The following WDR25 variants were observed in gnomAD, a reference collection of about 807,000 sequenced individuals.
The protein encoded by WDR25 is WD repeat domain 25, also known as WD repeat-containing protein 25.
WDR25 carries 35 observed loss-of-function variants against 47.7 expected under a neutral mutation model. The observed-to-expected ratio is 0.73, with a 90% CI of 0.56 to 0.97. WDR25 has a LOEUF of 0.97. WDR25 is among the 50% of genes least tolerant of loss of function. The pLI is 0.00. For synonymous variants in WDR25, 248 were observed against 278.9 expected (o/e 0.89, Z 1.10); for missense variants, 634 against 704.7 (o/e 0.90, Z 1.14).
At chr14:100,477,915 C>T (rs936907020) in intron 3 of WDR25, among the ~76,000 whole-genome samples, 1 of 152,008 alleles carries the variant, frequency 6.6e-6, no homozygotes, top group African/African-American at 2.4e-5. Context: ...CACGGTGAAA[C>T]CCCATCTCTA....
At chr14:100,459,929 TATATATATATACACATACAC>T (rs1899340288) in intron 2 of WDR25, among the ~76,000 whole-genome samples, 3 of 78,134 alleles carry the variant, frequency 3.8e-5, no homozygotes, top group African/African-American at 5.8e-5. Flanking sequence ...TATATATATA[TATATATATATACACATACAC>T]ATACACACAC....
chr14:100,398,610 T>TAAG (rs1897310719), intron 2 of WDR25, among the ~76,000 whole-genome samples: 1 of 151,516 alleles, frequency 6.6e-6, no homozygotes, highest in East Asian at 1.9e-4. Flanking sequence ...TTTATCAAAC[T>TAAG]AAGAAATTAA....
At chr14:100,398,348 A>C (rs542551539) in intron 2 of WDR25, among the ~76,000 whole-genome samples, 2 of 152,254 alleles carry the variant, frequency 1.3e-5, no homozygotes, top group East Asian at 3.9e-4. Context: ...CTTCCTTGTA[A>C]TGTTTCAGCC....
At chr14:100,429,878 G>T (rs58285147) in intron 2 of WDR25, among the ~76,000 whole-genome samples, 13,192 of 152,056 alleles carry the variant, frequency 0.087, 1,488 homozygotes, top group African/African-American at 0.27. Flanking sequence ...TGTAAAGATA[G>T]TAATCCTGTT....
rs777028432 is a variant in WDR25 at position 100,529,777 on chromosome 14, T to G, written c.1414-43T>G. ...GTAGAATGGGCATACTCACCCCGGC[T>G]TGACAGGTGCGGCTTGCTCACCCAC... is the stretch of plus-strand genomic sequence containing the variant. On this transcript the variant is annotated intron_variant, in intron 6 of 6. Coordinates refer to ENST00000402312, the MANE Select transcript of WDR25 (RefSeq NM_001161476.3). This position sits in a 1 kb window ranked among gnomAD's most constrained non-coding sequence, Gnocchi z 5.1. 1 of 1,591,984 alleles carries G rather than the reference T, an allele frequency of 6.3e-7. No individual in the cohort carries two copies. Among genetic ancestry groups the G allele is most frequent in the South Asian group, 1.1e-5 (1 of 88,650 alleles).
intron 2 of WDR25, among the ~76,000 whole-genome samples, chr14:100,452,066 CATCT>C (rs917358441): frequency 1.3e-5 from 2 of 152,168 alleles, no homozygotes; most frequent in African/African-American, 4.8e-5. Context: ...TTCATTTATC[CATCT>C]ATTTCATTCC....
At chr14:100,443,972 C>G (rs1898748474) in intron 2 of WDR25, among the ~76,000 whole-genome samples, 3 of 152,174 alleles carry the variant, frequency 2.0e-5, no homozygotes, top group Admixed American at 2.0e-4. Context: ...TCTTGAGGCT[C>G]AGAGAGGTGA....
At position 100,378,686 on chromosome 14, in the gene WDR25, C is replaced by CA. The variant is rs1484737986; in HGVS notation, c.-16+2191_-16+2192insA. Among the ~76,000 whole-genome samples, 37 of 25,452 alleles carry CA rather than the reference C, an allele frequency of 1.5e-3. 1 individual carries two copies. Among genetic ancestry groups the CA allele is most frequent in the Middle Eastern group, 0.036 (1 of 28 alleles). 16.7% of individuals were successfully genotyped at this position (25,452 alleles called of 152,430 possible). A position where few individuals can be genotyped will look rare whatever the true frequency, so the allele number is the denominator to read the frequency against. The stretch of plus-strand genomic sequence containing the variant: ...AAGAATGTTCCAGGCAGGCCGGGCG[C>CA]GGTGGCTCACGCCTGTAATCCCAGC... On this transcript the variant is annotated intron_variant, in intron 1 of 6. Transcript: ENST00000402312.
chr14:100,517,044 C>T (rs1054110762), intron 4 of WDR25, among the ~76,000 whole-genome samples: 1 of 147,446 alleles, frequency 6.8e-6, no homozygotes, highest in Non-Finnish European at 1.5e-5. Context: ...AGTCCTCCCA[C>T]TTCAGCTTCC....
rs1331089969 is a variant in WDR25, at chr14:100,499,797, G to T, written c.1101+15673G>T. On this transcript the variant is annotated intron_variant, in intron 4 of 6. Transcript: ENST00000402312. The surrounding 1 kb of genome is among the most constrained non-coding windows in gnomAD (Gnocchi z 4.4). ...GAATGGGTCCCAGGGGGTGAAGTTC[G>T]CTGTGTTCTGCTTTGCTCCCAGTCC... is the stretch of plus-strand genomic sequence containing the variant. Among the ~76,000 whole-genome samples, 2 of 152,114 alleles carry T rather than the reference G, an allele frequency of 1.3e-5. No individual in the cohort carries two copies. Among genetic ancestry groups the T allele is most frequent in the Non-Finnish European group, 2.9e-5 (2 of 68,018 alleles).
intron 2 of WDR25, among the ~76,000 whole-genome samples, chr14:100,461,904 GTT>G (rs5810997): frequency 6.6e-6 from 1 of 150,446 alleles, no homozygotes; most frequent in African/African-American, 2.4e-5. Context: ...GTATTTTTCT[GTT>G]TTTTTTTGTT....
chr14:100,528,435 C>CTT (rs66881970), intron 5 of WDR25, among the ~76,000 whole-genome samples: 3,165 of 131,008 alleles, frequency 0.024, 150 homozygotes, highest in African/African-American at 0.074. Context: ...TTCTTTCTTT[C>CTT]TTTTTTTTTT....
At chr14:100,382,841 C>G (rs911947382) in intron 2 of WDR25, among the ~76,000 whole-genome samples, 4 of 152,204 alleles carry the variant, frequency 2.6e-5, no homozygotes, top group Admixed American at 2.6e-4. Context: ...CCTGTGGAGT[C>G]TAGTGTCTCA....
intron 2 of WDR25, among the ~76,000 whole-genome samples, chr14:100,419,012 A>G (rs1188050516): frequency 6.6e-6 from 1 of 152,088 alleles, no homozygotes; most frequent in Non-Finnish European, 1.5e-5. Flanking sequence ...TGATGTCAGG[A>G]GTTTGAGACC....
rs1899727110 is a variant in WDR25 at position 100,468,722 on chromosome 14, A to G, written c.970+554A>G. 1.3e-5 allele frequency among the ~76,000 whole-genome samples: 2 copies of G among 152,036 alleles called. No homozygotes were observed. The highest frequency in any genetic ancestry group is 1.3e-4 in the Admixed American group (2 of 15,274). ...GAAGTCAGTGGAAGGAACTTTCCTT[A>G]CTCAGCGCTCCTGTGCAACAGGCAC... On this transcript the variant is annotated intron_variant, in intron 3 of 6. Transcript: ENST00000402312. The surrounding 1 kb of genome is among the most constrained non-coding windows in gnomAD (Gnocchi z 4.5).
chr14:100,419,083 G>A (rs1255727031), intron 2 of WDR25, among the ~76,000 whole-genome samples: 2 of 152,070 alleles, frequency 1.3e-5, no homozygotes, highest in African/African-American at 2.4e-5. Flanking sequence ...TTAGCTAGGT[G>A]TGGTGGTGCA....
At chr14:100,496,325 G>T (rs1200943720) in intron 4 of WDR25, among the ~76,000 whole-genome samples, 1 of 152,004 alleles carries the variant, frequency 6.6e-6, no homozygotes, top group African/African-American at 2.4e-5. Flanking sequence ...TTTTTCTTTT[G>T]ATATTTTTAG....
chr14:100,439,210 GGC>G (rs1159197349), intron 2 of WDR25, among the ~76,000 whole-genome samples: 1 of 152,258 alleles, frequency 6.6e-6, no homozygotes, highest in East Asian at 1.9e-4. Context: ...ACATGTGTGA[GGC>G]ACCTGGCACT....
chr14:100,478,678 A>T (rs1410917434), intron 3 of WDR25, among the ~76,000 whole-genome samples: 1 of 152,222 alleles, frequency 6.6e-6, no homozygotes, highest in African/African-American at 2.4e-5. Flanking sequence ...TAAAAGACAG[A>T]TTTTCAATCT....
Sources: allele counts gnomAD v4.1 joint callset (sites outside exome capture counted in the v4.1 genomes callset), GRCh38; gene constraint gnomAD v4.1.1; non-coding constraint Gnocchi (gnomAD v3.1); transcripts MANE v1.5; gene names NCBI Gene and HGNC (gene_info 2026-07-23, HGNC 2026-07-21).